The following CSMD2 variants were observed in gnomAD, a reference collection of about 807,000 sequenced individuals.
The protein encoded by CSMD2 is CUB and Sushi multiple domains 2, also known as CUB and sushi domain-containing protein 2.
A neutral mutation model predicts 398.5 loss-of-function variants in CSMD2; 130 were observed. That is an observed-to-expected ratio of 0.33 (90% CI 0.28 to 0.38). CSMD2 has a LOEUF of 0.38. Among genes scored for constraint, CSMD2 ranks in the 10% least tolerant of loss-of-function variants. The probability of loss-of-function intolerance (pLI) is 1.00; values close to 1 mark genes in which losing one functional copy is unlikely to be tolerated. For synonymous variants in CSMD2, 1,828 were observed against 1,908.5 expected, an observed-to-expected ratio of 0.96 and a Z score of 1.10; for missense variants, 3,829 against 4,764.9, an observed-to-expected ratio of 0.80 and a Z score of 5.78.
intron 3 of CSMD2, among the ~76,000 whole-genome samples, chr1:33,971,779 G>A (rs1314422152): frequency 6.6e-6 from 1 of 152,176 alleles, no homozygotes; most frequent in African/African-American, 2.4e-5. Flanking sequence ...AATTCTACCT[G>A]ACTTCACCCT....
At chr1:33,541,340 TCCTGGCCAGGA>T (rs763419871) in intron 58 of CSMD2, 31 bp from the exon 59 acceptor site, 1 of 1,582,666 alleles carries the variant, frequency 6.3e-7, no homozygotes, top group South Asian at 1.1e-5. Flanking sequence ...CATTGTTCAC[TCCTGGCCAGGA>T]CCCCACTTCT....
At position 33,918,087 on chromosome 1, in the gene CSMD2, T is replaced by C; in HGVS notation, c.920+7A>G. On this transcript the variant is annotated splice_region_variant and intron_variant, in intron 5 of 70. Coordinates refer to ENST00000373381, the MANE Select transcript of CSMD2 (RefSeq NM_001281956.2). ...AGGGTAGGAAAGGAAGGTGATGTTG[T>C]GCTTACCAGAGGGAGGAGCCTTCTG... The C allele has an allele frequency of 1.2e-6, 2 of 1,612,578 alleles. No individual in the cohort carries two copies. The highest frequency in any genetic ancestry group is 1.7e-6 in the Non-Finnish European group (2 of 1,179,422).
intron 3 of CSMD2, among the ~76,000 whole-genome samples, chr1:33,956,574 C>T (rs1645176382): frequency 6.6e-6 from 1 of 152,124 alleles, no homozygotes; most frequent in Non-Finnish European, 1.5e-5. Context: ...GAATCTCTAT[C>T]TACCCTCTTG....
intron 4 of CSMD2, among the ~76,000 whole-genome samples, chr1:33,926,747 T>G (rs1289457194): frequency 6.6e-6 from 1 of 152,210 alleles, no homozygotes; most frequent in Non-Finnish European, 1.5e-5. Flanking sequence ...TATTCTCAGG[T>G]GCAGGTGTGT....
chr1:33,882,623 G>A (rs1199848331), intron 5 of CSMD2, among the ~76,000 whole-genome samples: 1 of 152,124 alleles, frequency 6.6e-6, no homozygotes, highest in Non-Finnish European at 1.5e-5. Flanking sequence ...CACTGCAGAG[G>A]TCAACACTGG....
At chr1:34,019,924 T>G (rs754990212) in intron 3 of CSMD2, among the ~76,000 whole-genome samples, 1 of 152,152 alleles carries the variant, frequency 6.6e-6, no homozygotes, top group Non-Finnish European at 1.5e-5. Context: ...CACCAAATAT[T>G]TACTGAGTAC....
At chr1:33,890,387 C>T (rs1050194015) in intron 5 of CSMD2, among the ~76,000 whole-genome samples, 4 of 151,834 alleles carry the variant, frequency 2.6e-5, no homozygotes, top group Admixed American at 6.6e-5. Flanking sequence ...TCTGCCACCA[C>T]GCCTGGCTAA....
In CSMD2 at chr1:33,693,013, C is replaced by T. The variant is rs547262593; in HGVS notation, c.3969G>A (p.Val1323=). 2.5e-6 allele frequency: 4 copies of T among 1,604,234 alleles called. No homozygotes were observed. In the East Asian group the frequency reaches 6.9e-5, roughly 28 times the overall value. The change falls in exon 25 of 71, where the codon GTG becomes GTA. Residue 1323 remains valine (V), a synonymous_variant. Coordinates refer to ENST00000373381, the MANE Select transcript of CSMD2 (RefSeq NM_001281956.2). ...AGGGAGCTGGATACCCGGGTGACAG[C>T]ACCTGCCCCGACACCTCTCCTCTCA... ...GTVRGEVSGQ[V]LSPGYPAPYE...
chr1:33,828,462 C>T (rs886148941), intron 6 of CSMD2, among the ~76,000 whole-genome samples: 1 of 152,210 alleles, frequency 6.6e-6, no homozygotes, highest in African/African-American at 2.4e-5. Context: ...TGGCTCAGGG[C>T]ACCTGGCCAA....
chr1:33,688,336 C>T (rs570761270), intron 25 of CSMD2, among the ~76,000 whole-genome samples: 1 of 152,232 alleles, frequency 6.6e-6, no homozygotes, highest in African/African-American at 2.4e-5. Context: ...TGTGGATGAA[C>T]TTGGTTTAGA....
intron 25 of CSMD2, among the ~76,000 whole-genome samples, chr1:33,688,112 A>G (rs1471901944): frequency 1.3e-5 from 2 of 152,200 alleles, no homozygotes; most frequent in Admixed American, 1.3e-4. Flanking sequence ...TAAATGGACA[A>G]CTGTTCGAAG....
At chr1:33,956,838 G>A (rs988894294) in intron 3 of CSMD2, among the ~76,000 whole-genome samples, 8 of 151,994 alleles carry the variant, frequency 5.3e-5, no homozygotes, top group Non-Finnish European at 4.4e-5. Flanking sequence ...ATACAAATTA[G>A]AGCATGTCTC....
intron 21 of CSMD2, among the ~76,000 whole-genome samples, chr1:33,710,866 C>T (rs1645964516): frequency 6.6e-6 from 1 of 152,186 alleles, no homozygotes; most frequent in Non-Finnish European, 1.5e-5. Flanking sequence ...GCCACATGTC[C>T]CACCACCAAG....
chr1:33,754,908 G>C (rs1346874618), intron 13 of CSMD2, among the ~76,000 whole-genome samples: 1 of 152,082 alleles, frequency 6.6e-6, no homozygotes, highest in Non-Finnish European at 1.5e-5. Context: ...CTGTGAGGTA[G>C]GAGTAAGGTG....
intron 1 of CSMD2, among the ~76,000 whole-genome samples, chr1:34,153,482 T>A (rs954749290): frequency 3.3e-5 from 5 of 152,264 alleles, no homozygotes; most frequent in African/African-American, 4.8e-5. Context: ...TTCCGCCATT[T>A]GGCTGTTGTG....
In CSMD2 at chr1:33,605,274, C is replaced by T. The variant is rs755707159; in HGVS notation, c.6532+8G>A. ...GGAAGAACTGCTGGGGATGAGGGAGCGACATACCTTCACACTTGGGCAGGG... is the reference window on the plus strand; with the variant it reads ...GGAAGAACTGCTGGGGATGAGGGAGTGACATACCTTCACACTTGGGCAGGG... On this transcript the variant is annotated splice_region_variant and intron_variant, in intron 42 of 70. Transcript: ENST00000373381. 1.4e-5 allele frequency: 23 copies of T among 1,612,718 alleles called. No homozygotes were observed. The highest frequency in any genetic ancestry group is 1.7e-4 in the Middle Eastern group (1 of 5,912).
chr1:33,784,568 G>T (rs1653277337), intron 12 of CSMD2, among the ~76,000 whole-genome samples: 1 of 152,180 alleles, frequency 6.6e-6, no homozygotes, highest in Admixed American at 6.5e-5. Context: ...TGCCACTTCT[G>T]GCTCCACGCC....
chr1:33,888,092 A>C (rs1486540289), intron 5 of CSMD2, among the ~76,000 whole-genome samples: 1 of 152,158 alleles, frequency 6.6e-6, no homozygotes, highest in Non-Finnish European at 1.5e-5. Flanking sequence ...GAAAACTATA[A>C]AATTTTATTC....
chr1:34,130,432 G>C (rs1179557927), intron 1 of CSMD2, among the ~76,000 whole-genome samples: 2 of 130,548 alleles, frequency 1.5e-5, no homozygotes, highest in African/African-American at 5.5e-5. Flanking sequence ...TCCAGTAAGA[G>C]CAAAAAGGCA....
Sources: allele counts gnomAD v4.1 joint callset (sites outside exome capture counted in the v4.1 genomes callset), GRCh38; gene constraint gnomAD v4.1.1; transcripts MANE v1.5; gene names NCBI Gene and HGNC (gene_info 2026-07-23, HGNC 2026-07-21).